Variants in CDH26 observed in about 807,000 individuals in gnomAD.
CDH26 encodes the protein cadherin 26.
In CDH26, 83 loss-of-function variants were observed where a neutral mutation model predicts 90.3. That is an observed-to-expected ratio of 0.92 (90% CI 0.77 to 1.10). The LOEUF is 1.10. Among genes scored for constraint, CDH26 ranks in the 50% least tolerant of loss-of-function variants. CDH26 has a pLI of 0.00. For missense variants in CDH26, 1,013 were observed against 1,037.6 expected, an observed-to-expected ratio of 0.98 and a Z score of 0.33; for synonymous variants, 397 against 396.3, an observed-to-expected ratio of 1.00 and a Z score of -0.02.
In CDH26 at chr20:59,989,158, G is replaced by A; in HGVS notation, c.1278G>A (p.Gln426=). Residue 426 remains glutamine, a synonymous_variant, in exon 9 of 18, where the codon CAG becomes CAA. Transcript: ENST00000348616. The part of the protein sequence containing the change: ...GTFNAMDPDS[Q]IRYELVHDPA... ...TTAATGCCATGGATCCAGACAGCCA[G>A]ATAAGGTGAGAAGAGAGGGCCAAGA... is the stretch of plus-strand genomic sequence containing the variant. The A allele has an allele frequency of 1.2e-6, 2 of 1,614,176 alleles. No individual in the cohort carries two copies. The highest frequency in any genetic ancestry group is 2.7e-5 in the African/African-American group (2 of 75,040).
In CDH26 at chr20:59,992,392, A is replaced by C; in HGVS notation, c.1298A>C (p.His433Pro). The change falls in exon 10 of 18, where the codon CAT (histidine) becomes CCT (proline). Residue 433 changes from histidine to proline, a missense_variant. Transcript: ENST00000348616. This position sits in a 1 kb window ranked among gnomAD's most constrained non-coding sequence, Gnocchi z 5.0. ...CCTTCTACAAGATATGAACTGGTTC[A>C]TGACCCAGCAAATTGGGTCAGCGTC... ...PDSQIRYELVHDPANWVSVDK... is the reference protein window; with the variant it reads ...PDSQIRYELVPDPANWVSVDK... 1 of 1,614,152 alleles carries C rather than the reference A, an allele frequency of 6.2e-7. No individual in the cohort carries two copies. The highest frequency in any genetic ancestry group is 8.5e-7 in the Non-Finnish European group (1 of 1,179,992).
In CDH26 at chr20:59,989,155, C is replaced by T. The variant is rs1229639838; in HGVS notation, c.1275C>T (p.Ser425=). ...LGTFNAMDPD[S]QIRYELVHDP... Reference sequence around the variant, plus strand: ...CTTTTAATGCCATGGATCCAGACAGCCAGATAAGGTGAGAAGAGAGGGCCA... The same window carrying T: ...CTTTTAATGCCATGGATCCAGACAGTCAGATAAGGTGAGAAGAGAGGGCCA... Residue 425 remains serine (S), a synonymous_variant, in exon 9 of 18, where the codon AGC becomes AGT. Transcript: ENST00000348616. 11 of 1,614,076 alleles carry T rather than the reference C, an allele frequency of 6.8e-6. No homozygotes were observed. The highest frequency in any genetic ancestry group is 8.5e-6 in the Non-Finnish European group (10 of 1,180,000).
At chr20:60,022,815 T>C (rs1458564535) in intron 7 of CDH26, among the ~76,000 whole-genome samples, 2 of 151,660 alleles carry the variant, frequency 1.3e-5, no homozygotes, top group Non-Finnish European at 2.9e-5. Context: ...AACAGTCCTT[T>C]CACTGTTCCC....
In CDH26 at chr20:59,996,179, C is replaced by T. The variant is rs2061594998; in HGVS notation, c.1888+125C>T. 15 of 1,069,798 alleles carry T rather than the reference C, an allele frequency of 1.4e-5. No individual in the cohort carries two copies. The South Asian group carries it at 2.4e-4, about 17-fold the overall frequency. 66.3% of individuals were successfully genotyped at this position (1,069,798 alleles called of 1,614,324 possible). ...ATTGGTGGAATGGCTTTGAGAATGA[C>T]TTCTGGGTGTACTCAGGCTCCTAGA... is the stretch of plus-strand genomic sequence containing the variant. On this transcript the variant is annotated intron_variant, in intron 12 of 17. Coordinates refer to ENST00000348616, the MANE Select transcript of CDH26 (RefSeq NM_177980.4).
chr20:60,035,504 A>G (rs2062075420), downstream of CDH26, among the ~76,000 whole-genome samples: 2 of 152,194 alleles, frequency 1.3e-5, no homozygotes, highest in Admixed American at 1.3e-4. Context: ...GCTGGAACAT[A>G]TGAAATTATG....
intron 8 of CDH26, 49 bp from the exon 9 acceptor site, chr20:59,988,855 G>A: frequency 6.2e-7 from 1 of 1,600,550 alleles, no homozygotes. Flanking sequence ...GGCTTCCTCT[G>A]GCCAGAGGAG....
At chr20:60,018,719 T>TTTTTTTTTTTTTTTTTTG (rs2061927806), downstream of CDH26, among the ~76,000 whole-genome samples, 1 of 136,894 alleles carries the variant, frequency 7.3e-6, no homozygotes, top group East Asian at 2.1e-4. Context: ...TTTTTTTTTT[T>TTTTTTTTTTTTTTTTTTG]TTTTTTTTTT....
intron 16 of CDH26, among the ~76,000 whole-genome samples, chr20:60,005,478 CTGTATGTA>C (rs35310546): frequency 2.0e-3 from 289 of 147,708 alleles, no homozygotes; most frequent in African/African-American, 2.8e-3. Context: ...GTGTATATAT[CTGTATGTA>C]TGTATGTATG....
rs781064934 is a variant in CDH26 at position 59,992,408 on chromosome 20, G to T, written c.1314G>T (p.Trp438Cys). ...RYELVHDPAN[W>C]VSVDKNSGVV... ...AACTGGTTCATGACCCAGCAAATTG[G>T]GTCAGCGTCGACAAAAACTCCGGAG... Residue 438 changes from tryptophan to cysteine, a missense_variant, in exon 10 of 18, where the codon TGG becomes TGT. Coordinates refer to ENST00000348616, the MANE Select transcript of CDH26 (RefSeq NM_177980.4). The surrounding 1 kb of genome is among the most constrained non-coding windows in gnomAD (Gnocchi z 5.0). 22 of 1,613,844 alleles carry T rather than the reference G, an allele frequency of 1.4e-5. 1 individual carries two copies. The Admixed American group carries it at 3.3e-4, about 24-fold the overall frequency.
rs6128739 is a variant in CDH26 at position 60,012,617 on chromosome 20, C to T, written c.2386C>T (p.Leu796Phe). 1 of 1,614,024 alleles carries T rather than the reference C, an allele frequency of 6.2e-7. No homozygotes were observed. The highest frequency in any genetic ancestry group is 1.3e-5 in the African/African-American group (1 of 74,906). ...AGGGGAGTGTGGAGGGGCCCCATCC[C>T]TCAGCTCTCTGGCCAGCTTGGAACA... is the stretch of plus-strand genomic sequence containing the variant. ...EEGECGGAPS[L>F]SSLASLEQEL... The change falls in exon 18 of 18, where the codon CTC (leucine) becomes TTC (phenylalanine). Residue 796 changes from leucine (L) to phenylalanine (F), a missense_variant. Physicochemically the swap from Leu to Phe is conservative, Grantham distance 22. Transcript: ENST00000348616.
chr20:59,967,627 A>G (rs550454463), intron 1 of CDH26, among the ~76,000 whole-genome samples: 1 of 152,202 alleles, frequency 6.6e-6, no homozygotes, highest in South Asian at 2.1e-4. Context: ...GCTTTATTCT[A>G]GTCATCCTGC....
chr20:59,972,530 A>G (rs1452124526), intron 4 of CDH26, among the ~76,000 whole-genome samples: 1 of 152,210 alleles, frequency 6.6e-6, no homozygotes, highest in Non-Finnish European at 1.5e-5. Context: ...GCAGTTGCAT[A>G]CCTGTTGACA....
At chr20:59,983,351 G>T (rs1422757085) in intron 5 of CDH26, among the ~76,000 whole-genome samples, 1 of 152,190 alleles carries the variant, frequency 6.6e-6, no homozygotes, top group African/African-American at 2.4e-5. Flanking sequence ...AAAGAGCTGG[G>T]TGATGAGCTT....
chr20:59,979,462 G>T (rs920742101), intron 4 of CDH26, among the ~76,000 whole-genome samples: 1 of 152,038 alleles, frequency 6.6e-6, no homozygotes, highest in Non-Finnish European at 1.5e-5. Flanking sequence ...CTACCAAAGT[G>T]CTGGGATTAC....
chr20:59,977,057 G>A (rs1193826589), intron 4 of CDH26, among the ~76,000 whole-genome samples: 3 of 152,130 alleles, frequency 2.0e-5, no homozygotes, highest in East Asian at 3.9e-4. Context: ...CTACTTCCAA[G>A]CTGAAGGTGA....
intron 12 of CDH26, 69 bp downstream of exon 12, chr20:59,996,123 G>T: frequency 1.3e-6 from 2 of 1,487,330 alleles, no homozygotes; most frequent in Non-Finnish European, 1.8e-6. Context: ...GGGGTAAGGG[G>T]CTTGCTGGGG....
Position 59,968,963 on chromosome 20 carries a change from T to A in CDH26, c.70-4T>A. 1 of 1,504,922 alleles carries A rather than the reference T, an allele frequency of 6.6e-7. No homozygotes were observed. Among genetic ancestry groups the A allele is most frequent in the Non-Finnish European group, 9.2e-7 (1 of 1,088,704 alleles). The allele number at this position is 1,504,922 out of a possible 1,614,324, so 93.2% of individuals were successfully genotyped here. On this transcript the variant is annotated splice_polypyrimidine_tract_variant and splice_region_variant and intron_variant, in intron 1 of 17. Coordinates refer to ENST00000348616, the MANE Select transcript of CDH26 (RefSeq NM_177980.4). ...TACTAATTAATATTATTTTTATTTT[T>A]AAGGTCAGTATCATTGACAGTGTTC... is the stretch of plus-strand genomic sequence containing the variant.
At chr20:60,019,401 T>G (rs1243404992), downstream of CDH26, among the ~76,000 whole-genome samples, 1 of 151,752 alleles carries the variant, frequency 6.6e-6, no homozygotes, top group Non-Finnish European at 1.5e-5. Context: ...TTCTTCATTC[T>G]TTTTTTGTCT....
At chr20:59,980,929 A>T (rs1261082638) in intron 4 of CDH26, among the ~76,000 whole-genome samples, 2 of 152,134 alleles carry the variant, frequency 1.3e-5, no homozygotes, top group African/African-American at 2.4e-5. Flanking sequence ...TTTTGTCTAA[A>T]GTGTGAGATA....
Sources: allele counts gnomAD v4.1 joint callset (sites outside exome capture counted in the v4.1 genomes callset), GRCh38; gene constraint gnomAD v4.1.1; non-coding constraint Gnocchi (gnomAD v3.1); transcripts MANE v1.5; gene names NCBI Gene and HGNC (gene_info 2026-07-23, HGNC 2026-07-21).